Variants in SDK1 observed in about 807,000 individuals in gnomAD.
The protein encoded by SDK1 is protein sidekick-1.
In SDK1, 157 loss-of-function variants were observed where a neutral mutation model predicts 245.5. The ratio of observed to expected loss-of-function variants is 0.64; its 90% CI spans 0.56 to 0.73. SDK1 has a LOEUF of 0.73. Ranked by LOEUF, SDK1 falls within the 30% of genes least tolerant of loss-of-function variation. SDK1 has a pLI of 0.00. For missense variants in SDK1, 3,583 were observed against 3,002.3 expected (o/e 1.19, Z -4.52); for synonymous variants, 1,647 against 1,278.5 (o/e 1.29, Z -6.15).
chr7:4,174,825 G>A (rs1434034297), intron 33 of SDK1, among the ~76,000 whole-genome samples: 2 of 152,122 alleles, frequency 1.3e-5, no homozygotes, highest in South Asian at 2.1e-4. Flanking sequence ...TTGCTCTGAC[G>A]AGGGCCCAGC....
chr7:3,656,666 T>A (rs1783194375), intron 4 of SDK1, among the ~76,000 whole-genome samples: 1 of 151,952 alleles, frequency 6.6e-6, no homozygotes, highest in Non-Finnish European at 1.5e-5. Context: ...AACCCATACA[T>A]GCTCCTTGGG....
At chr7:3,437,568 T>A (rs1365459389) in intron 1 of SDK1, among the ~76,000 whole-genome samples, 1 of 151,960 alleles carries the variant, frequency 6.6e-6, no homozygotes, top group African/African-American at 2.4e-5. Context: ...GGTCAGGAGT[T>A]TGAGATCAGC....
chr7:3,829,909 G>C (rs567309647), intron 5 of SDK1, among the ~76,000 whole-genome samples: 3 of 152,192 alleles, frequency 2.0e-5, no homozygotes, highest in Admixed American at 1.3e-4. Flanking sequence ...GCAAACACAG[G>C]TTTGGCTCAA....
chr7:3,753,941 A>G (rs1317221374), intron 4 of SDK1, among the ~76,000 whole-genome samples: 2 of 152,242 alleles, frequency 1.3e-5, no homozygotes, highest in East Asian at 3.8e-4. Context: ...AGTAGAATGA[A>G]AAATAATTAA....
At chr7:3,498,961 C>T (rs148800301) in intron 1 of SDK1, among the ~76,000 whole-genome samples, 11 of 152,258 alleles carry the variant, frequency 7.2e-5, no homozygotes, top group African/African-American at 2.4e-4. Flanking sequence ...TGATCTGGCA[C>T]TAACTTTTAT....
At chr7:3,530,867 G>A (rs1202393324) in intron 1 of SDK1, among the ~76,000 whole-genome samples, 3 of 152,134 alleles carry the variant, frequency 2.0e-5, no homozygotes, top group Non-Finnish European at 4.4e-5. Flanking sequence ...ATTTCCCTAT[G>A]CATAAAAACA....
chr7:3,924,023 G>T (rs143126382), intron 5 of SDK1, among the ~76,000 whole-genome samples: 1 of 151,998 alleles, frequency 6.6e-6, no homozygotes, highest in South Asian at 2.1e-4. Context: ...TTTTTCTTTG[G>T]ATATTTCTAT....
At chr7:3,462,673 C>G (rs527810327) in intron 1 of SDK1, among the ~76,000 whole-genome samples, 28 of 152,154 alleles carry the variant, frequency 1.8e-4, no homozygotes, top group Admixed American at 1.8e-3. Context: ...CTTCTTGATG[C>G]CTCATCCACA....
chr7:3,686,774 C>G (rs979998770), intron 4 of SDK1, among the ~76,000 whole-genome samples: 1 of 152,042 alleles, frequency 6.6e-6, no homozygotes, highest in Non-Finnish European at 1.5e-5. Context: ...CTGCAGGGGA[C>G]GAGGTCAGCT....
Position 3,951,026 on chromosome 7 carries a change from C to T in SDK1, c.951C>T (p.Ala317=), listed in dbSNP as rs1780794137. 1 of 1,611,520 alleles carries T rather than the reference C, an allele frequency of 6.2e-7. No individual in the cohort carries two copies. The change falls in exon 6 of 45, where the codon GCC becomes GCT. Residue 317 remains alanine, a synonymous_variant. Transcript: ENST00000404826. ...GSSETTLECI[A]SARPVEDLSV... is the part of the protein sequence containing the mutation. ...GTGAGACCACCTTGGAATGTATAGCCAGTGCCAGGTACGAGGCGCGTCTCC... is the reference window on the plus strand; with the variant it reads ...GTGAGACCACCTTGGAATGTATAGCTAGTGCCAGGTACGAGGCGCGTCTCC...
At chr7:3,947,631 T>A (rs1332524216) in intron 5 of SDK1, among the ~76,000 whole-genome samples, 2 of 151,678 alleles carry the variant, frequency 1.3e-5, no homozygotes, top group Non-Finnish European at 2.9e-5. Flanking sequence ...TATATCTATA[T>A]GTGTATCTAT....
rs1207329999 is a variant in SDK1 at position 4,119,821 on chromosome 7, C to T, written c.3823+5547C>T. 2.0e-5 allele frequency among the ~76,000 whole-genome samples: 3 copies of T among 148,294 alleles called. 1 individual carries two copies. Among genetic ancestry groups the T allele is most frequent in the Non-Finnish European group, 1.5e-5 (1 of 66,570 alleles). On this transcript the variant is annotated intron_variant, in intron 25 of 44. Coordinates refer to ENST00000404826, the MANE Select transcript of SDK1 (RefSeq NM_152744.4). ...ATGATTTGCCATGAGTAAAAATGAC[C>T]AGTTTTAAAAAAAGAGAGAAAGATA... is the stretch of plus-strand genomic sequence containing the variant.
At position 4,265,671 on chromosome 7, in the gene SDK1, A is replaced by G; in HGVS notation, c.*287A>G. 3.3e-6 allele frequency: 4 copies of G among 1,204,356 alleles called. No homozygotes were observed. Among genetic ancestry groups the G allele is most frequent in the East Asian group, 4.5e-5 (1 of 22,254 alleles). The allele number at this position is 1,204,356 out of a possible 1,614,324, so 74.6% of individuals were successfully genotyped here. A position where few individuals can be genotyped will look rare whatever the true frequency, so the allele number is the denominator to read the frequency against. On this transcript the variant is annotated 3_prime_UTR_variant, in exon 45 of 45. Coordinates refer to ENST00000404826, the MANE Select transcript of SDK1 (RefSeq NM_152744.4). ...TGGCTTGGCACCTCCGGGGCCTGGG[A>G]GGACCTCAGACCTCCCCAGCCCTGG... is the stretch of plus-strand genomic sequence containing the variant.
intron 4 of SDK1, among the ~76,000 whole-genome samples, chr7:3,772,946 C>A (rs1478677926): frequency 1.3e-5 from 2 of 152,192 alleles, no homozygotes; most frequent in African/African-American, 4.8e-5. Flanking sequence ...TGAATCACTG[C>A]AGTTTCACTG....
rs543528917 is a variant in SDK1, at chr7:3,839,589, A to G, written c.847+18006A>G. ...CATACATTTATAAAAACAAAAAAAT[A>G]GAAATAAAATTGATGCTGAACACTT... On this transcript the variant is annotated intron_variant, in intron 5 of 44. Coordinates refer to ENST00000404826, the MANE Select transcript of SDK1 (RefSeq NM_152744.4). Among the ~76,000 whole-genome samples, 5 of 152,348 alleles carry G rather than the reference A, an allele frequency of 3.3e-5. No individual in the cohort carries two copies. The South Asian group carries it at 1.0e-3, about 32-fold the overall frequency.
intron 40 of SDK1, among the ~76,000 whole-genome samples, chr7:4,232,110 G>A (rs968862689): frequency 1.3e-4 from 19 of 144,196 alleles, no homozygotes; most frequent in African/African-American, 4.6e-4. Flanking sequence ...CACACGTACA[G>A]CACTTACTAT....
intron 1 of SDK1, among the ~76,000 whole-genome samples, chr7:3,456,300 C>A (rs1780663471): frequency 6.6e-6 from 1 of 152,094 alleles, no homozygotes; most frequent in Non-Finnish European, 1.5e-5. Context: ...TTTAAATATT[C>A]TTTCAGCCCC....
chr7:3,495,910 T>C (rs957382705), intron 1 of SDK1, among the ~76,000 whole-genome samples: 9 of 152,200 alleles, frequency 5.9e-5, no homozygotes, highest in African/African-American at 2.2e-4. Context: ...AAGATCTGTT[T>C]CACACTTTTC....
At chr7:4,130,983 C>G (rs1784772862) in intron 27 of SDK1, among the ~76,000 whole-genome samples, 1 of 152,114 alleles carries the variant, frequency 6.6e-6, no homozygotes, top group African/African-American at 2.4e-5. Flanking sequence ...GAGTGCCACC[C>G]CTGATCCTCG....
Sources: allele counts gnomAD v4.1 joint callset (sites outside exome capture counted in the v4.1 genomes callset), GRCh38; gene constraint gnomAD v4.1.1; transcripts MANE v1.5; gene names NCBI Gene and HGNC (gene_info 2026-07-23, HGNC 2026-07-21).